GRIK3: variants seen among roughly 807,000 people sequenced by gnomAD.
GRIK3 encodes the protein glutamate ionotropic receptor kainate type subunit 3, also known as glutamate receptor ionotropic, kainate 3.
A neutral mutation model predicts 102.5 loss-of-function variants in GRIK3; 29 were observed. The ratio of observed to expected loss-of-function variants is 0.28; its 90% CI spans 0.21 to 0.39. The LOEUF (loss-of-function observed/expected upper bound fraction) is 0.39. GRIK3 is among the 10% of genes least tolerant of loss of function. The pLI is 1.00. For missense variants in GRIK3, 908 were observed against 1,252.4 expected (o/e 0.73, Z 4.15); for synonymous variants, 511 against 504.9 (o/e 1.01, Z -0.16).
chr1:36,998,898 T>C (rs1642446092), intron 1 of GRIK3, among the ~76,000 whole-genome samples: 1 of 152,110 alleles, frequency 6.6e-6, no homozygotes, highest in Admixed American at 6.5e-5. Flanking sequence ...CCACAGTGAT[T>C]GAATGTCCAT....
Position 36,802,033 on chromosome 1 carries a change from T to G in GRIK3, c.2578A>C (p.Ser860Arg), listed in dbSNP as rs373684252. Residue 860 changes from serine to arginine, a missense_variant, in exon 16 of 16, where the codon AGC (serine) becomes CGC (arginine). This residue lies in a region of GRIK3 where 297 missense variants were observed against 362.7 expected (regional missense o/e 0.82). Transcript: ENST00000373091. ...TAEREQRSFC[S>R]TVADEIRFSL... ...AAACGGATCTCATCGGCCACGGTGC[T>G]GCAGAAGGAACGCTGCAGGAGGGTG... 2.1e-5 allele frequency: 34 copies of G among 1,611,340 alleles called. No individual in the cohort carries two copies. The highest frequency in any genetic ancestry group is 1.7e-5 in the Non-Finnish European group (20 of 1,178,748).
At chr1:37,004,010 G>T (rs1407047195) in intron 1 of GRIK3, among the ~76,000 whole-genome samples, 1 of 152,140 alleles carries the variant, frequency 6.6e-6, no homozygotes, top group East Asian at 1.9e-4. Flanking sequence ...GGAGGAAGAT[G>T]AAATACTCGA....
intron 1 of GRIK3, among the ~76,000 whole-genome samples, chr1:37,019,169 C>T (rs941733332): frequency 2.0e-5 from 3 of 152,220 alleles, no homozygotes; most frequent in Non-Finnish European, 2.9e-5. Context: ...TCACCCCCTA[C>T]TTACACATGC....
intron 7 of GRIK3, among the ~76,000 whole-genome samples, chr1:36,857,892 A>C (rs1640671268): frequency 6.6e-6 from 1 of 152,150 alleles, no homozygotes; most frequent in Non-Finnish European, 1.5e-5. Flanking sequence ...TAGGATCTGC[A>C]TGTGCACAGG....
rs959993560 is a variant in GRIK3 at position 36,798,182 on chromosome 1, T to A, written c.*3669A>T. The A allele has an allele frequency of 8.6e-5, 13 of 151,274 alleles. No homozygotes were observed. Among genetic ancestry groups the A allele is most frequent in the Non-Finnish European group, 7.4e-5 (5 of 67,872 alleles). 9.4% of individuals were successfully genotyped at this position (151,274 alleles called of 1,614,324 possible). A position where few individuals can be genotyped will look rare whatever the true frequency, so the allele number is the denominator to read the frequency against. The stretch of plus-strand genomic sequence containing the variant: ...AACCAGCAGCAGGACAAGGGGAGAG[T>A]GATTGGGAGGGCTCACTGTCCTTAG... On this transcript the variant is annotated 3_prime_UTR_variant, in exon 16 of 16. Coordinates refer to ENST00000373091, the MANE Select transcript of GRIK3 (RefSeq NM_000831.4).
chr1:36,958,099 C>A (rs1641945944), intron 1 of GRIK3, among the ~76,000 whole-genome samples: 1 of 129,720 alleles, frequency 7.7e-6, no homozygotes, highest in Non-Finnish European at 1.6e-5. Flanking sequence ...CCCTGTGAGC[C>A]TGTGTGCCCC....
chr1:37,006,409 C>G (rs1373071689), intron 1 of GRIK3, among the ~76,000 whole-genome samples: 1 of 152,262 alleles, frequency 6.6e-6, no homozygotes, highest in Admixed American at 6.5e-5. Flanking sequence ...TACTAAAGAA[C>G]AGAGGTTGCC....
chr1:36,915,409 C>G (rs192739565), intron 1 of GRIK3, among the ~76,000 whole-genome samples: 5 of 152,288 alleles, frequency 3.3e-5, no homozygotes, highest in Admixed American at 2.6e-4. Context: ...AAACATTTCT[C>G]AAATATAAAT....
chr1:36,934,139 T>C (rs1240044792), intron 1 of GRIK3, among the ~76,000 whole-genome samples: 1 of 152,168 alleles, frequency 6.6e-6, no homozygotes, highest in Non-Finnish European at 1.5e-5. Context: ...GAGGTCCTGG[T>C]AGCATTGGAT....
intron 1 of GRIK3, among the ~76,000 whole-genome samples, chr1:36,949,040 T>C (rs972435265): frequency 1.3e-5 from 2 of 152,046 alleles, no homozygotes; most frequent in Non-Finnish European, 2.9e-5. Context: ...ACGCAGTCTA[T>C]GGGGAGGCTG....
chr1:36,805,162 T>G lies in GRIK3; in HGVS notation c.2390A>C (p.Glu797Ala). The G allele has an allele frequency of 6.2e-7, 1 of 1,614,180 alleles. No individual in the cohort carries two copies. Among genetic ancestry groups the G allele is most frequent in the Non-Finnish European group, 8.5e-7 (1 of 1,180,020 alleles). ...QEEDKLHIMKEKWWRGSGCPE... is the reference protein window; with the variant it reads ...QEEDKLHIMKAKWWRGSGCPE... Reference sequence around the variant, plus strand: ...ACACCCGCTGCCCCGCCACCACTTCTCCTTCATGATATGCAGCTTGTCCTC... The same window carrying G: ...ACACCCGCTGCCCCGCCACCACTTCGCCTTCATGATATGCAGCTTGTCCTC... Residue 797 changes from glutamate to alanine, a missense_variant, in exon 15 of 16, where the codon GAG becomes GCG. This residue lies in a region of GRIK3 where 297 missense variants were observed against 362.7 expected (regional missense o/e 0.82). Transcript: ENST00000373091.
intron 10 of GRIK3, among the ~76,000 whole-genome samples, chr1:36,834,539 A>C (rs1043543842): frequency 6.6e-6 from 1 of 152,174 alleles, no homozygotes; most frequent in Admixed American, 6.5e-5. Context: ...TGGTTGGCAC[A>C]CAGGCCTCCT....
intron 1 of GRIK3, among the ~76,000 whole-genome samples, chr1:36,967,756 A>G (rs1416476777): frequency 9.9e-5 from 15 of 152,244 alleles, no homozygotes; most frequent in Admixed American, 9.8e-4. Context: ...TACCACCTAT[A>G]GACAGGTTAC....
intron 7 of GRIK3, among the ~76,000 whole-genome samples, chr1:36,857,975 T>G (rs1199629898): frequency 1.3e-5 from 2 of 152,214 alleles, no homozygotes; most frequent in African/African-American, 2.4e-5. Flanking sequence ...AGTCACAAAG[T>G]GGGATTGAAT....
intron 1 of GRIK3, among the ~76,000 whole-genome samples, chr1:37,024,548 G>T (rs1388727414): frequency 6.6e-6 from 1 of 151,096 alleles, no homozygotes; most frequent in African/African-American, 2.4e-5. Context: ...AGTTCGACCA[G>T]CCTGGCCAAT....
intron 1 of GRIK3, among the ~76,000 whole-genome samples, chr1:37,029,223 T>C (rs972779125): frequency 1.3e-5 from 2 of 152,202 alleles, no homozygotes; most frequent in African/African-American, 4.8e-5. Flanking sequence ...AGGCCCTTAG[T>C]GCATCTGTCT....
intron 1 of GRIK3, among the ~76,000 whole-genome samples, chr1:37,014,235 T>C (rs1474740402): frequency 1.3e-5 from 2 of 152,210 alleles, no homozygotes; most frequent in East Asian, 1.9e-4. Flanking sequence ...TGAGGTCCCA[T>C]GAAAATGGAA....
chr1:36,897,848 T>C (rs1490591207), intron 1 of GRIK3, among the ~76,000 whole-genome samples: 1 of 152,208 alleles, frequency 6.6e-6, no homozygotes, highest in East Asian at 1.9e-4. Flanking sequence ...ACACCTATGT[T>C]TGTTGCAGCA....
At chr1:36,943,683 A>T (rs972560610) in intron 1 of GRIK3, among the ~76,000 whole-genome samples, 2 of 152,344 alleles carry the variant, frequency 1.3e-5, no homozygotes, top group Non-Finnish European at 2.9e-5. Flanking sequence ...AAAATGAACG[A>T]ATAGTAGCAG....
Sources: allele counts gnomAD v4.1 joint callset (sites outside exome capture counted in the v4.1 genomes callset), GRCh38; gene constraint gnomAD v4.1.1; regional missense constraint gnomAD v4.1.1; transcripts MANE v1.5; gene names NCBI Gene and HGNC (gene_info 2026-07-23, HGNC 2026-07-21).